The following PRKD3 variants were observed in gnomAD, a reference collection of about 807,000 sequenced individuals.
PRKD3 encodes protein kinase D3, also known as serine/threonine-protein kinase D3.
A neutral mutation model predicts 99.2 loss-of-function variants in PRKD3; 47 were observed. That is an observed-to-expected ratio of 0.47 (90% CI 0.38 to 0.60). PRKD3 has a LOEUF of 0.60. PRKD3 is among the 20% of genes least tolerant of loss of function. PRKD3 has a pLI of 0.00. For synonymous variants in PRKD3, 392 were observed against 355.4 expected (o/e 1.10, Z -1.16); for missense variants, 1,019 against 1,088.4 (o/e 0.94, Z 0.90).
intron 3 of PRKD3, 36 bp from the exon 4 acceptor site, chr2:37,291,035 T>A (rs756838331): frequency 1.3e-6 from 2 of 1,555,874 alleles, no homozygotes; most frequent in East Asian, 2.3e-5. Context: ...ACACGTTGTA[T>A]TTGTACTGCG....
At chr2:37,280,461 C>T (rs1052740774) in intron 7 of PRKD3, among the ~76,000 whole-genome samples, 19 of 152,078 alleles carry the variant, frequency 1.2e-4, no homozygotes, top group African/African-American at 4.3e-4. Flanking sequence ...ACTATAAATG[C>T]GGATAAGCCA....
chr2:37,293,024 T>G (rs1670506612), intron 3 of PRKD3, 109 bp downstream of exon 3: 1 of 1,173,850 alleles, frequency 8.5e-7, no homozygotes, highest in Non-Finnish European at 1.2e-6. Context: ...TGAAAGAAAT[T>G]AAGTAACAAT....
intron 2 of PRKD3, among the ~76,000 whole-genome samples, chr2:37,304,444 T>A (rs1482684570): frequency 6.6e-6 from 1 of 152,256 alleles, no homozygotes; most frequent in South Asian, 2.1e-4. Context: ...TTTTTGGATA[T>A]GAAATATCAT....
chr2:37,293,287 C>A lies in PRKD3; in HGVS notation c.289-16G>T, dbSNP rs368945918. 2 of 1,560,160 alleles carry A rather than the reference C, an allele frequency of 1.3e-6. No homozygotes were observed. Among genetic ancestry groups the A allele is most frequent in the South Asian group, 1.2e-5 (1 of 85,568 alleles). On this transcript the variant is annotated splice_polypyrimidine_tract_variant and intron_variant, in intron 2 of 18. Coordinates refer to ENST00000234179, the MANE Select transcript of PRKD3 (RefSeq NM_005813.6). ...ACTCTGGAAACTGAGGGATAATAGT[C>A]CTATATCAGTATGACCACAGTTTTC...
Position 37,253,344 on chromosome 2 carries a change from G to C in PRKD3, c.2506C>G (p.Gln836Glu). 1 of 1,609,874 alleles carries C rather than the reference G, an allele frequency of 6.2e-7. No individual in the cohort carries two copies. Among genetic ancestry groups the C allele is most frequent in the African/African-American group, 1.3e-5 (1 of 74,876 alleles). The change falls in exon 19 of 19, where the codon CAG becomes GAG. Residue 836 changes from glutamine (Q) to glutamate (E), a missense_variant. By Grantham distance (29) the Gln-to-Glu change is conservative (BLOSUM62 2). This residue lies in a region of PRKD3 where 125 missense variants were observed against 120.6 expected (regional missense o/e 1.04). Transcript: ENST00000234179. ...SLSHPWLQDY[Q>E]TWLDLREFET... is the part of the protein sequence containing the mutation. ...AATTCTCTAAGGTCAAGCCAAGTCT[G>C]ATAGTCCTAGGAGAAAATGAAATTG... is the stretch of plus-strand genomic sequence containing the variant.
Position 37,253,219 on chromosome 2 carries a change from G to T in PRKD3, c.2631C>A (p.Phe877Leu). 1 of 1,611,850 alleles carries T rather than the reference G, an allele frequency of 6.2e-7. No individual in the cohort carries two copies. The highest frequency in any genetic ancestry group is 8.5e-7 in the Non-Finnish European group (1 of 1,178,686). ...YTHNLVYPKH[F>L]IMAPNPDDME... ...TATCATCTGGATTAGGAGCCATAAT[G>T]AAGTGCTTTGGGTATACAAGGTTAT... The change falls in exon 19 of 19, where the codon TTC becomes TTA. Residue 877 changes from phenylalanine to leucine, a missense_variant. By Grantham distance (22) the Phe-to-Leu change is conservative. Around this residue, in one of 3 missense-constraint regions of PRKD3, gnomAD observed 125 missense variants for 120.6 expected, o/e 1.04. Transcript: ENST00000234179.
intron 2 of PRKD3, among the ~76,000 whole-genome samples, chr2:37,307,023 G>T (rs1455213034): frequency 6.6e-6 from 1 of 152,102 alleles, no homozygotes; most frequent in Non-Finnish European, 1.5e-5. Flanking sequence ...TTCAACCTCA[G>T]CATTATTAAC....
chr2:37,267,868 T>C lies in PRKD3; in HGVS notation c.1778-332A>G, dbSNP rs1436114480. 4 of 235,246 alleles carry C rather than the reference T, an allele frequency of 1.7e-5. No individual in the cohort carries two copies. The East Asian group carries it at 3.8e-4, about 22-fold the overall frequency. 14.6% of individuals were successfully genotyped at this position (235,246 alleles called of 1,614,324 possible). On this transcript the variant is annotated intron_variant, in intron 13 of 18. Coordinates refer to ENST00000234179, the MANE Select transcript of PRKD3 (RefSeq NM_005813.6). ...AGAGACTCTGTCAAGATGGAAATAC[T>C]GTATGAATGAATCAATTTTATTCTA...
At chr2:37,287,373 T>G (rs1037623781) in intron 5 of PRKD3, among the ~76,000 whole-genome samples, 3 of 151,910 alleles carry the variant, frequency 2.0e-5, no homozygotes, top group African/African-American at 7.3e-5. Flanking sequence ...TTCCTTTTCT[T>G]CCCTTTTTTT....
intron 2 of PRKD3, among the ~76,000 whole-genome samples, chr2:37,307,949 G>A (rs2124884510): frequency 6.6e-6 from 1 of 152,250 alleles, no homozygotes; most frequent in South Asian, 2.1e-4. Flanking sequence ...TATAAGACTT[G>A]AATCATTGAT....
intron 2 of PRKD3, among the ~76,000 whole-genome samples, chr2:37,293,956 C>T (rs541245115): frequency 2.0e-5 from 3 of 152,282 alleles, no homozygotes; most frequent in African/African-American, 7.2e-5. Context: ...GGAAAAAGCA[C>T]AGCCAAATTT....
intron 2 of PRKD3, among the ~76,000 whole-genome samples, chr2:37,315,936 G>T (rs1006180759): frequency 6.6e-6 from 1 of 152,190 alleles, no homozygotes; most frequent in Non-Finnish European, 1.5e-5. Flanking sequence ...TGTTGGCCAG[G>T]CTGGTCTCGA....
chr2:37,283,049 C>T (rs939909882), intron 6 of PRKD3, among the ~76,000 whole-genome samples: 9 of 152,172 alleles, frequency 5.9e-5, no homozygotes, highest in Non-Finnish European at 1.0e-4. Flanking sequence ...CACATACAAC[C>T]CTGTGAGGAA....
rs554473436 is a variant in PRKD3, at chr2:37,267,626, T to G, written c.1778-90A>C. Reference sequence around the variant, plus strand: ...CAGACTGAAATTTATATGTATTTACTCTTGAATTTTCTTTTTGGCTCATTT... The same window carrying G: ...CAGACTGAAATTTATATGTATTTACGCTTGAATTTTCTTTTTGGCTCATTT... On this transcript the variant is annotated intron_variant, in intron 13 of 18. Transcript: ENST00000234179. The G allele has an allele frequency of 1.9e-5, 18 of 941,672 alleles. No homozygotes were observed. In the African/African-American group the frequency reaches 3.0e-4, roughly 16 times the overall value. The allele number at this position is 941,672 out of a possible 1,614,324, so 58.3% of individuals were successfully genotyped here.
chr2:37,322,926 A>T (rs2124914242), intron 1 of PRKD3, among the ~76,000 whole-genome samples: 1 of 152,146 alleles, frequency 6.6e-6, no homozygotes, highest in Non-Finnish European at 1.5e-5. Flanking sequence ...AGTTTCTTTT[A>T]AAAACGAACA....
rs1390017869 is a variant in PRKD3 at position 37,250,619 on chromosome 2, T to C, written c.*2558A>G. The C allele has an allele frequency of 2.6e-5, 4 of 152,234 alleles. No homozygotes were observed. The highest frequency in any genetic ancestry group is 5.9e-5 in the Non-Finnish European group (4 of 68,040). 9.4% of individuals were successfully genotyped at this position (152,234 alleles called of 1,614,324 possible). A position where few individuals can be genotyped will look rare whatever the true frequency, so the allele number is the denominator to read the frequency against. Reference sequence around the variant, plus strand: ...AATACTGTTTCCAAAATAGTTCTTTTACCAAGGTCTGGTAAAATAACACAA... The same window carrying C: ...AATACTGTTTCCAAAATAGTTCTTTCACCAAGGTCTGGTAAAATAACACAA... On this transcript the variant is annotated 3_prime_UTR_variant, in exon 19 of 19. Transcript: ENST00000234179.
rs189949774 is a variant in PRKD3, at chr2:37,301,764, G to T, written c.289-8493C>A. On this transcript the variant is annotated intron_variant, in intron 2 of 18. Coordinates refer to ENST00000234179, the MANE Select transcript of PRKD3 (RefSeq NM_005813.6). The stretch of plus-strand genomic sequence containing the variant: ...ATTCTATTCTCCTGAGAGGGAAGAA[G>T]TTCAGAAAAGCAGCAGAGGTGATGA... Among the ~76,000 whole-genome samples the T allele has an allele frequency of 8.5e-5, 13 of 152,314 alleles. No homozygotes were observed. In the East Asian group the frequency reaches 2.5e-3, roughly 29 times the overall value.
rs1396304145 is a variant in PRKD3 at position 37,293,160 on chromosome 2, C to T, written c.400G>A (p.Gly134Arg). The change falls in exon 3 of 19, where the codon GGA becomes AGA. Residue 134 changes from glycine (G) to arginine (R), a missense_variant. Coordinates refer to ENST00000234179, the MANE Select transcript of PRKD3 (RefSeq NM_005813.6). ...LITSADEIHE[G>R]DLVEVVLSAL... ...GAAAGAACCACTTCCACTAGGTCTCCTTCATGTATTTCATCTGCTGAGGTA... is the reference window on the plus strand; with the variant it reads ...GAAAGAACCACTTCCACTAGGTCTCTTTCATGTATTTCATCTGCTGAGGTA... 2 of 1,597,880 alleles carry T rather than the reference C, an allele frequency of 1.3e-6. No individual in the cohort carries two copies. The highest frequency in any genetic ancestry group is 1.7e-5 in the Admixed American group (1 of 59,870).
chr2:37,304,196 T>TAAAAAAAAAAAAAAA lies in PRKD3; in HGVS notation c.289-10940_289-10926dup, dbSNP rs70949750. On this transcript the variant is annotated intron_variant, in intron 2 of 18. Coordinates refer to ENST00000234179, the MANE Select transcript of PRKD3 (RefSeq NM_005813.6). ...CACTTTGTACTTAACAGGTACTTAC[T>TAAAAAAAAAAAAAAA]AAAAAAAAAAAAAAAAAAAAGAAGT... Among the ~76,000 whole-genome samples, 5 of 93,972 alleles carry TAAAAAAAAAAAAAAA rather than the reference T, an allele frequency of 5.3e-5. 2 individuals are homozygous for TAAAAAAAAAAAAAAA. Among genetic ancestry groups the TAAAAAAAAAAAAAAA allele is most frequent in the African/African-American group, 8.3e-5 (2 of 24,150 alleles). The allele number at this position is 93,972 out of a possible 152,430, so 61.6% of individuals were successfully genotyped here.
Sources: gnomAD v4.1 joint callset for allele counts (sites outside exome capture counted in the v4.1 genomes callset) on GRCh38, gnomAD v4.1.1 for gene constraint, gnomAD v4.1.1 regional missense constraint, MANE v1.5 for transcripts, NCBI Gene and HGNC (gene_info 2026-07-23, HGNC 2026-07-21) for gene names.